Variants in SPATA7 observed in about 807,000 individuals in gnomAD.
SPATA7 encodes spermatogenesis associated 7, also known as spermatogenesis-associated protein 7.
A neutral mutation model predicts 51.8 loss-of-function variants in SPATA7; 43 were observed. The observed-to-expected ratio is 0.83, with a 90% CI of 0.65 to 1.07. The LOEUF (loss-of-function observed/expected upper bound fraction) is 1.07. Among genes scored for constraint, SPATA7 ranks in the 50% least tolerant of loss-of-function variants. The pLI, the probability that SPATA7 is intolerant of heterozygous loss-of-function variation, is 0.00. For missense variants in SPATA7, 683 were observed against 701.3 expected (o/e 0.97, Z 0.30); for synonymous variants, 230 against 252.8 (o/e 0.91, Z 0.86).
chr14:88,457,496 G>A (rs10144342), downstream of SPATA7, among the ~76,000 whole-genome samples: 1,151 of 152,256 alleles, frequency 7.6e-3, 15 homozygotes, highest in African/African-American at 0.026. Context: ...AACTGTGAAT[G>A]GGAGTTCACT....
rs2076925319 is a variant in SPATA7, at chr14:88,431,046, G to A, written c.1029-126G>A. Reference sequence around the variant, plus strand: ...GGAAATATTCCAAAATCCAAATTCTGAAACACTTCTGGTTCCAAACATCTA... The same window carrying A: ...GGAAATATTCCAAAATCCAAATTCTAAAACACTTCTGGTTCCAAACATCTA... On this transcript the variant is annotated intron_variant, in intron 8 of 11. Coordinates refer to ENST00000393545, the MANE Select transcript of SPATA7 (RefSeq NM_018418.5). The A allele has an allele frequency of 2.7e-5, 25 of 918,006 alleles. No individual in the cohort carries two copies. The South Asian group carries it at 3.4e-4, about 12-fold the overall frequency. The allele number at this position is 918,006 out of a possible 1,614,324, so 56.9% of individuals were successfully genotyped here. A position where few individuals can be genotyped will look rare whatever the true frequency, so the allele number is the denominator to read the frequency against.
At chr14:88,404,431 T>C (rs568129927) in intron 4 of SPATA7, among the ~76,000 whole-genome samples, 1 of 152,244 alleles carries the variant, frequency 6.6e-6, no homozygotes, top group South Asian at 2.1e-4. Context: ...TTAAAAGTAT[T>C]TTAGGTCAGG....
chr14:88,451,878 C>T (rs1374599444), intron 3 of SPATA7, among the ~76,000 whole-genome samples: 1 of 152,058 alleles, frequency 6.6e-6, no homozygotes, highest in Non-Finnish European at 1.5e-5. Flanking sequence ...TCTGGTGCCT[C>T]CTTGATTGAC....
At chr14:88,431,580 TA>T (rs1252618940) in intron 9 of SPATA7, among the ~76,000 whole-genome samples, 3 of 152,192 alleles carry the variant, frequency 2.0e-5, no homozygotes, top group Non-Finnish European at 4.4e-5. Flanking sequence ...TATAATTTTG[TA>T]TCTTGTAACA....
intron 1 of SPATA7, among the ~76,000 whole-genome samples, chr14:88,387,569 A>G (rs1262266102): frequency 2.0e-5 from 3 of 152,164 alleles, no homozygotes; most frequent in Non-Finnish European, 4.4e-5. Context: ...ATATTAAAAC[A>G]TCTAAAGAAA....
At position 88,430,274 on chromosome 14, in the gene SPATA7, A is replaced by G. The variant is rs111420946; in HGVS notation, c.1028+811A>G. 4.0e-3 allele frequency among the ~76,000 whole-genome samples: 604 copies of G among 152,196 alleles called. 7 individuals carry two copies. Among genetic ancestry groups the G allele is most frequent in the African/African-American group, 0.013 (549 of 41,530 alleles). On this transcript the variant is annotated intron_variant, in intron 8 of 11. Transcript: ENST00000393545. ...CTCAGGCCTTTGCTAGGGAGATCTCACCTGCTAAGGCCATGGAGAGTTCAT... is the reference window on the plus strand; with the variant it reads ...CTCAGGCCTTTGCTAGGGAGATCTCGCCTGCTAAGGCCATGGAGAGTTCAT...
chr14:88,407,286 C>T (rs1189477040), intron 4 of SPATA7, among the ~76,000 whole-genome samples: 3 of 152,138 alleles, frequency 2.0e-5, no homozygotes, highest in Non-Finnish European at 4.4e-5. Context: ...CTGTTGTTTC[C>T]TGACTTTTTA....
intron 3 of SPATA7, among the ~76,000 whole-genome samples, chr14:88,444,183 G>C (rs2077196715): frequency 6.6e-6 from 1 of 151,880 alleles, no homozygotes; most frequent in Non-Finnish European, 1.5e-5. Context: ...ATTCTAACTG[G>C]TGTGAGATGG....
intron 1 of SPATA7, 65 bp from the exon 2 acceptor site, chr14:88,391,316 T>G: frequency 1.6e-6 from 2 of 1,229,026 alleles, no homozygotes; most frequent in Non-Finnish European, 2.3e-6. Context: ...ATATTGAATA[T>G]TGTTGTTTTT....
chr14:88,421,865 C>T (rs957879646), intron 5 of SPATA7, among the ~76,000 whole-genome samples: 11 of 151,292 alleles, frequency 7.3e-5, no homozygotes, highest in Admixed American at 1.3e-4. Context: ...AGAAGAATCG[C>T]TTGAGTCCAG....
intron 3 of SPATA7, among the ~76,000 whole-genome samples, chr14:88,447,915 A>T (rs1054007815): frequency 3.3e-5 from 5 of 151,468 alleles, no homozygotes; most frequent in Non-Finnish European, 7.4e-5. Context: ...GCTGCCCTTA[A>T]CATTTTTTCC....
At chr14:88,434,032 GT>G (rs1174576198) in intron 10 of SPATA7, among the ~76,000 whole-genome samples, 1 of 152,106 alleles carries the variant, frequency 6.6e-6, no homozygotes, top group Non-Finnish European at 1.5e-5. Flanking sequence ...ATAATGAAAA[GT>G]TTTGGCAATC....
At chr14:88,411,288 G>A (rs887688712) in intron 4 of SPATA7, among the ~76,000 whole-genome samples, 1 of 152,172 alleles carries the variant, frequency 6.6e-6, no homozygotes, top group African/African-American at 2.4e-5. Flanking sequence ...TCACGCCAGT[G>A]GATCTTAGCT....
At chr14:88,402,973 A>C (rs2076106984) in intron 4 of SPATA7, among the ~76,000 whole-genome samples, 4 of 147,498 alleles carry the variant, frequency 2.7e-5, no homozygotes, top group South Asian at 2.1e-4. Flanking sequence ...AAAAAAAAAA[A>C]AAAAAAAAAA....
At chr14:88,429,274 A>G in intron 7 of SPATA7, 74 bp from the exon 8 acceptor site, 1 of 793,144 alleles carries the variant, frequency 1.3e-6, no homozygotes, top group Admixed American at 1.9e-5. Flanking sequence ...ATCACTTAAA[A>G]TTTGCTGTGT....
chr14:88,468,404 G>T, intron 4 of SPATA7: 1 of 776,334 alleles, frequency 1.3e-6, no homozygotes, highest in Non-Finnish European at 2.0e-6. Context: ...CTAGAAATAA[G>T]CCATGATTGC....
At chr14:88,462,977 GTTC>G (rs771023909) in intron 4 of SPATA7, among the ~76,000 whole-genome samples, 1 of 152,134 alleles carries the variant, frequency 6.6e-6, no homozygotes, top group Non-Finnish European at 1.5e-5. Flanking sequence ...GTGTTTAGAT[GTTC>G]TTTAGATTTT....
chr14:88,425,372 T>C (rs977469490), intron 5 of SPATA7, among the ~76,000 whole-genome samples: 2 of 152,150 alleles, frequency 1.3e-5, no homozygotes, highest in African/African-American at 4.8e-5. Context: ...ATAAGACAGA[T>C]ATAATTGGCT....
At chr14:88,437,203 TTGTGTG>T (rs142237850) in intron 10 of SPATA7, among the ~76,000 whole-genome samples, 1 of 148,534 alleles carries the variant, frequency 6.7e-6, no homozygotes, top group South Asian at 2.1e-4. Flanking sequence ...TAGGGTTTGG[TTGTGTG>T]TGTGTGTGTG....
Sources: allele counts gnomAD v4.1 joint callset (sites outside exome capture counted in the v4.1 genomes callset), GRCh38; gene constraint gnomAD v4.1.1; transcripts MANE v1.5; gene names NCBI Gene and HGNC (gene_info 2026-07-23, HGNC 2026-07-21).